The following POU5F2 variants were observed in gnomAD, a reference collection of about 807,000 sequenced individuals.
The protein encoded by POU5F2 is POU domain class 5, transcription factor 2, also known as POU domain, class 5, transcription factor 2.
For missense variants in POU5F2, 401 were observed against 426.6 expected, an observed-to-expected ratio of 0.94 and a Z score of 0.53; for synonymous variants, 191 against 178.7, an observed-to-expected ratio of 1.07 and a Z score of -0.55.
Position 93,741,321 on chromosome 5 carries a change from G to A in POU5F2, c.243C>T (p.Pro81=). 3 of 1,613,168 alleles carry A rather than the reference G, an allele frequency of 1.9e-6. No homozygotes were observed. Among genetic ancestry groups the A allele is most frequent in the Non-Finnish European group, 2.5e-6 (3 of 1,179,598 alleles). Residue 81 remains proline, a synonymous_variant, in exon 1 of 1, where the codon CCC becomes CCT. Transcript: ENST00000606183. ...CCCCTGCCTCACTAGCTCCAAGACG[G>A]GGCCTGCAGGGTGCTATCCAGCCCC... ...EFRGWIAPCR[P]RLGASEAGDW... is the part of the protein sequence containing the mutation.
chr5:93,739,521 T>C lies in POU5F2; in HGVS notation c.*1056A>G, dbSNP rs1747934582. The C allele has an allele frequency of 6.6e-6, 1 of 152,128 alleles. No individual in the cohort carries two copies. The highest frequency in any genetic ancestry group is 2.4e-5 in the African/African-American group (1 of 41,426). The allele number at this position is 152,128 out of a possible 1,614,324, so 9.4% of individuals were successfully genotyped here. The stretch of plus-strand genomic sequence containing the variant: ...TAAACTCTGATATAATACATACTGA[T>C]AGAATTCTAGGACAATAAATAGAGC... On this transcript the variant is annotated 3_prime_UTR_variant, in exon 1 of 1. Coordinates refer to ENST00000606183, the MANE Select transcript of POU5F2 (RefSeq NM_153216.2).
chr5:93,738,651 C>T lies in POU5F2; in HGVS notation c.*1926G>A, dbSNP rs576751135. 2.0e-5 allele frequency: 3 copies of T among 152,294 alleles called. No individual in the cohort carries two copies. The highest frequency in any genetic ancestry group is 1.3e-4 in the Admixed American group (2 of 15,298). 9.4% of individuals were successfully genotyped at this position (152,294 alleles called of 1,614,324 possible). A position where few individuals can be genotyped will look rare whatever the true frequency, so the allele number is the denominator to read the frequency against. On this transcript the variant is annotated 3_prime_UTR_variant, in exon 1 of 1. Transcript: ENST00000606183. ...ATAAAAAAGGAATGAAGTTCTGATACACACTACAACACAGATGAACCTTGA... is the reference window on the plus strand; with the variant it reads ...ATAAAAAAGGAATGAAGTTCTGATATACACTACAACACAGATGAACCTTGA...
Position 93,733,254 on chromosome 5 carries a change from C to T in POU5F2, c.*7323G>A, listed in dbSNP as rs1338782029. The T allele has an allele frequency of 6.7e-6, 1 of 148,350 alleles. No homozygotes were observed. Among genetic ancestry groups the T allele is most frequent in the Non-Finnish European group, 1.5e-5 (1 of 67,474 alleles). 9.2% of individuals were successfully genotyped at this position (148,350 alleles called of 1,614,324 possible). A position where few individuals can be genotyped will look rare whatever the true frequency, so the allele number is the denominator to read the frequency against. On this transcript the variant is annotated 3_prime_UTR_variant, in exon 1 of 1. Transcript: ENST00000606183. ...TCTTGCTCCATTGCCAGACTGGAGT[C>T]CAGGGGCATGATCTTGGCTCACTGC...
Position 93,740,514 on chromosome 5 carries a change from T to C in POU5F2, c.*63A>G. The C allele has an allele frequency of 3.3e-6, 5 of 1,495,212 alleles. No homozygotes were observed. The highest frequency in any genetic ancestry group is 4.5e-6 in the Non-Finnish European group (5 of 1,110,976). The allele number at this position is 1,495,212 out of a possible 1,614,324, so 92.6% of individuals were successfully genotyped here. A position where few individuals can be genotyped will look rare whatever the true frequency, so the allele number is the denominator to read the frequency against. ...AGCCCTCAAATGAACCCTAGGGACA[T>C]TTCCTGGGTTTTCCCTTCTTCTCCC... On this transcript the variant is annotated 3_prime_UTR_variant, in exon 1 of 1. Coordinates refer to ENST00000606183, the MANE Select transcript of POU5F2 (RefSeq NM_153216.2).
In POU5F2 at chr5:93,737,978, A is replaced by T. The variant is rs1344076445; in HGVS notation, c.*2599T>A. On this transcript the variant is annotated 3_prime_UTR_variant, in exon 1 of 1. Coordinates refer to ENST00000606183, the MANE Select transcript of POU5F2 (RefSeq NM_153216.2). ...AGAAAAAATGGATAAGCTGGACTTA[A>T]TAAAAATTAAAGTCTGTCTGCATCA... The T allele has an allele frequency of 2.3e-6, 1 of 430,398 alleles. No individual in the cohort carries two copies. Among genetic ancestry groups the T allele is most frequent in the Non-Finnish European group, 4.6e-6 (1 of 219,644 alleles). 26.7% of individuals were successfully genotyped at this position (430,398 alleles called of 1,614,324 possible).
Position 93,741,449 on chromosome 5 carries a change from C to T in POU5F2, c.115G>A (p.Ala39Thr), listed in dbSNP as rs1401658472. ...CAGACCATCACCCTGCCAGGGGCCGCCTGGGTGCTCAACCAGGTCAGAGTG... is the reference window on the plus strand; with the variant it reads ...CAGACCATCACCCTGCCAGGGGCCGTCTGGGTGCTCAACCAGGTCAGAGTG... ...VDTLTWLSTQ[A>T]APGRVMVWPA... Residue 39 changes from alanine to threonine, a missense_variant, in exon 1 of 1, where the codon GCG becomes ACG. Transcript: ENST00000606183. 1.2e-6 allele frequency: 2 copies of T among 1,613,520 alleles called. No individual in the cohort carries two copies. The highest frequency in any genetic ancestry group is 3.3e-5 in the Admixed American group (2 of 60,022).
rs550301121 is a variant in POU5F2 at position 93,741,262 on chromosome 5, G to A, written c.302C>T (p.Pro101Leu). 4 of 1,613,848 alleles carry A rather than the reference G, an allele frequency of 2.5e-6. No individual in the cohort carries two copies. The highest frequency in any genetic ancestry group is 3.4e-6 in the Non-Finnish European group (4 of 1,179,852). Reference sequence around the variant, plus strand: ...GCTCCGCAGGGCAATGTAGGGCCCCGGGAGGGCGCCTTCGGAGGGGCGTCG... The same window carrying A: ...GCTCCGCAGGGCAATGTAGGGCCCCAGGAGGGCGCCTTCGGAGGGGCGTCG... ...WLRRPSEGAL[P>L]GPYIALRSIP... Residue 101 changes from proline to leucine, a missense_variant, in exon 1 of 1, where the codon CCG (proline) becomes CTG (leucine). Physicochemically the swap from Pro to Leu is moderately conservative, Grantham distance 98 (BLOSUM62 -3). Coordinates refer to ENST00000606183, the MANE Select transcript of POU5F2 (RefSeq NM_153216.2).
rs1205074927 is a variant in POU5F2 at position 93,741,128 on chromosome 5, C to T, written c.436G>A (p.Asp146Asn). Residue 146 changes from aspartate to asparagine, a missense_variant, in exon 1 of 1, where the codon GAT (aspartate) becomes AAT (asparagine). By Grantham distance (23) the Asp-to-Asn change is conservative (BLOSUM62 1). Coordinates refer to ENST00000606183, the MANE Select transcript of POU5F2 (RefSeq NM_153216.2). ...AGAGCTCCCACAGCGATCCCCACATCGGCCTGCGAGTACCCTAGGCTCAAC... is the reference window on the plus strand; with the variant it reads ...AGAGCTCCCACAGCGATCCCCACATTGGCCTGCGAGTACCCTAGGCTCAAC... ...KRLSLGYSQADVGIAVGALFG... is the reference protein window; with the variant it reads ...KRLSLGYSQANVGIAVGALFG... The T allele has an allele frequency of 3.7e-6, 6 of 1,613,864 alleles. No homozygotes were observed. In the Admixed American group the frequency reaches 5.0e-5, roughly 13 times the overall value.
chr5:93,741,364 G>A lies in POU5F2; in HGVS notation c.200C>T (p.Pro67Leu), dbSNP rs1164554648. The A allele has an allele frequency of 1.2e-6, 2 of 1,611,390 alleles. No individual in the cohort carries two copies. The highest frequency in any genetic ancestry group is 1.7e-6 in the Non-Finnish European group (2 of 1,178,450). ...GPDVWRIPLG[P>L]LPHEFRGWIA... is the part of the protein sequence containing the mutation. ...CCAGCCCCGGAATTCGTGTGGCAGGGGACCCAGGGGAATCCTCCACACGTC... is the reference window on the plus strand; with the variant it reads ...CCAGCCCCGGAATTCGTGTGGCAGGAGACCCAGGGGAATCCTCCACACGTC... The change falls in exon 1 of 1, where the codon CCC becomes CTC. Residue 67 changes from proline to leucine, a missense_variant. Transcript: ENST00000606183.
At position 93,741,586 on chromosome 5, in the gene POU5F2, G is replaced by A. The variant is rs1164810301; in HGVS notation, c.-23C>T. The A allele has an allele frequency of 4.0e-6, 6 of 1,494,086 alleles. No homozygotes were observed. The Admixed American group carries it at 1.4e-4, about 35-fold the overall frequency. 92.6% of individuals were successfully genotyped at this position (1,494,086 alleles called of 1,614,324 possible). ...CATGGGTGGAATGGCACCCGCAGCG[G>A]CTCTGGTAGGAACTGATGGCCCTCG... is the stretch of plus-strand genomic sequence containing the variant. On this transcript the variant is annotated 5_prime_UTR_variant, in exon 1 of 1. Transcript: ENST00000606183.
rs1455377538 is a variant in POU5F2, at chr5:93,734,193, G to C, written c.*6384C>G. The stretch of plus-strand genomic sequence containing the variant: ...GATTTTAATTAAAGTGCCAAGGATT[G>C]ATAAAAGTGTAAGAACAAGAAAGGC... On this transcript the variant is annotated 3_prime_UTR_variant, in exon 1 of 1. Transcript: ENST00000606183. 2.0e-5 allele frequency: 3 copies of C among 152,140 alleles called. No individual in the cohort carries two copies. Among genetic ancestry groups the C allele is most frequent in the Non-Finnish European group, 4.4e-5 (3 of 68,008 alleles). 9.4% of individuals were successfully genotyped at this position (152,140 alleles called of 1,614,324 possible).
chr5:93,740,081 A>G lies in POU5F2; in HGVS notation c.*496T>C, dbSNP rs1304522603. ...GGTGGGCTCTGTGTGTTTCTTCCCT[A>G]TCACATTCTCAAGTCATTCCCTCAA... On this transcript the variant is annotated 3_prime_UTR_variant, in exon 1 of 1. Transcript: ENST00000606183. The G allele has an allele frequency of 6.6e-6, 1 of 151,722 alleles. No individual in the cohort carries two copies. The highest frequency in any genetic ancestry group is 1.9e-4 in the East Asian group (1 of 5,152). The allele number at this position is 151,722 out of a possible 1,614,324, so 9.4% of individuals were successfully genotyped here. A position where few individuals can be genotyped will look rare whatever the true frequency, so the allele number is the denominator to read the frequency against.
In POU5F2 at chr5:93,741,516, A is replaced by G; in HGVS notation, c.48T>C (p.Ser16=). The G allele has an allele frequency of 6.2e-7, 1 of 1,608,464 alleles. No individual in the cohort carries two copies. The highest frequency in any genetic ancestry group is 1.3e-5 in the African/African-American group (1 of 74,832). ...PSNHFCPLPG[S]GGGGPRGPMP... ...TCGGCCCTCTGGGGCCGCCCCCACC[A>G]CTGCCTGGAAGGGGGCAGAAGTGGT... Residue 16 remains serine (S), a synonymous_variant, in exon 1 of 1, where the codon AGT becomes AGC. Coordinates refer to ENST00000606183, the MANE Select transcript of POU5F2 (RefSeq NM_153216.2).
Position 93,741,529 on chromosome 5 carries a change from G to A in POU5F2, c.35C>T (p.Pro12Leu). The A allele has an allele frequency of 6.3e-7, 1 of 1,599,100 alleles. No individual in the cohort carries two copies. The highest frequency in any genetic ancestry group is 1.7e-5 in the Admixed American group (1 of 57,926). ...GCCGCCCCCACCACTGCCTGGAAGGGGGCAGAAGTGGTTTGAGGGCCTGTG... is the reference window on the plus strand; with the variant it reads ...GCCGCCCCCACCACTGCCTGGAAGGAGGCAGAAGTGGTTTGAGGGCCTGTG... ...AGHRPSNHFC[P>L]LPGSGGGGPR... The change falls in exon 1 of 1, where the codon CCC (proline) becomes CTC (leucine). Residue 12 changes from proline (P) to leucine (L), a missense_variant. Physicochemically the swap from Pro to Leu is moderately conservative, Grantham distance 98. Coordinates refer to ENST00000606183, the MANE Select transcript of POU5F2 (RefSeq NM_153216.2).
chr5:93,741,144 T>G lies in POU5F2; in HGVS notation c.420A>C (p.Leu140=), dbSNP rs1748350416. ...TCCCCACATCGGCCTGCGAGTACCC[T>G]AGGCTCAACCTCTTCTGCCTCAACT... The part of the protein sequence containing the change: ...AKELRQKRLS[L]GYSQADVGIA... The change falls in exon 1 of 1, where the codon CTA becomes CTC. Residue 140 remains leucine, a synonymous_variant. Transcript: ENST00000606183. The G allele has an allele frequency of 1.8e-5, 29 of 1,613,878 alleles. No homozygotes were observed. The highest frequency in any genetic ancestry group is 2.4e-5 in the Non-Finnish European group (28 of 1,179,870).
At position 93,736,284 on chromosome 5, in the gene POU5F2, T is replaced by C. The variant is rs567337673; in HGVS notation, c.*4293A>G. The C allele has an allele frequency of 6.6e-6, 1 of 152,314 alleles. No homozygotes were observed. The highest frequency in any genetic ancestry group is 2.1e-4 in the South Asian group (1 of 4,830). The allele number at this position is 152,314 out of a possible 1,614,324, so 9.4% of individuals were successfully genotyped here. A position where few individuals can be genotyped will look rare whatever the true frequency, so the allele number is the denominator to read the frequency against. ...CACCTCCATTGTCCACCTGAAACAA[T>C]ACAGCTTATAGGTGTGTTCTGAAAA... On this transcript the variant is annotated 3_prime_UTR_variant, in exon 1 of 1. Transcript: ENST00000606183.
At position 93,741,486 on chromosome 5, in the gene POU5F2, G is replaced by A; in HGVS notation, c.78C>T (p.Pro26=). 1 of 1,613,200 alleles carries A rather than the reference G, an allele frequency of 6.2e-7. No individual in the cohort carries two copies. Among genetic ancestry groups the A allele is most frequent in the South Asian group, 1.1e-5 (1 of 91,042 alleles). Residue 26 remains proline (P), a synonymous_variant, in exon 1 of 1, where the codon CCC becomes CCT. Transcript: ENST00000606183. ...SGGGGPRGPM[P]LRVDTLTWLS... ...ACCAGGTCAGAGTGTCAACCCGCAG[G>A]GGCATCGGCCCTCTGGGGCCGCCCC... is the stretch of plus-strand genomic sequence containing the variant.
At position 93,737,825 on chromosome 5, in the gene POU5F2, C is replaced by T. The variant is rs1179393790; in HGVS notation, c.*2752G>A. 7.4e-6 allele frequency: 3 copies of T among 406,386 alleles called. No individual in the cohort carries two copies. Among genetic ancestry groups the T allele is most frequent in the African/African-American group, 4.2e-5 (2 of 47,104 alleles). 25.2% of individuals were successfully genotyped at this position (406,386 alleles called of 1,614,324 possible). A position where few individuals can be genotyped will look rare whatever the true frequency, so the allele number is the denominator to read the frequency against. ...TTGGGCACTTACCTCATACCGTATA[C>T]AAAAATTAACTTGAAATGGATCAAA... On this transcript the variant is annotated 3_prime_UTR_variant, in exon 1 of 1. Coordinates refer to ENST00000606183, the MANE Select transcript of POU5F2 (RefSeq NM_153216.2).
Position 93,741,344 on chromosome 5 carries a change from C to T in POU5F2, c.220G>A (p.Gly74Ser). The change falls in exon 1 of 1, where the codon GGC (glycine) becomes AGC (serine). Residue 74 changes from glycine (G) to serine (S), a missense_variant. Physicochemically the swap from Gly to Ser is moderately conservative, Grantham distance 56. Coordinates refer to ENST00000606183, the MANE Select transcript of POU5F2 (RefSeq NM_153216.2). Reference sequence around the variant, plus strand: ...CGGGGCCTGCAGGGTGCTATCCAGCCCCGGAATTCGTGTGGCAGGGGACCC... The same window carrying T: ...CGGGGCCTGCAGGGTGCTATCCAGCTCCGGAATTCGTGTGGCAGGGGACCC... ...PLGPLPHEFRGWIAPCRPRLG... is the reference protein window; with the variant it reads ...PLGPLPHEFRSWIAPCRPRLG... The T allele has an allele frequency of 1.2e-6, 2 of 1,611,632 alleles. No homozygotes were observed. Among genetic ancestry groups the T allele is most frequent in the East Asian group, 4.5e-5 (2 of 44,770 alleles).
Sources: gnomAD v4.1 joint callset for allele counts on GRCh38, gnomAD v4.1.1 for gene constraint, MANE v1.5 for transcripts, NCBI Gene and HGNC (gene_info 2026-07-23, HGNC 2026-07-21) for gene names.